The following TBC1D9B variants were observed in gnomAD, a reference collection of about 807,000 sequenced individuals.
TBC1D9B encodes the protein TBC1 domain family, member 9B (with GRAM domain).
In TBC1D9B, 87 loss-of-function variants were observed where a neutral mutation model predicts 121.1. That is an observed-to-expected ratio of 0.72 (90% CI 0.60 to 0.86). The LOEUF is 0.86. Among genes scored for constraint, TBC1D9B ranks in the 40% least tolerant of loss-of-function variants. The probability of loss-of-function intolerance (pLI) is 0.00; values close to 1 mark genes in which losing one functional copy is unlikely to be tolerated. For synonymous variants in TBC1D9B, 668 were observed against 670.1 expected, an observed-to-expected ratio of 1.00 and a Z score of 0.05; for missense variants, 1,540 against 1,628.6, an observed-to-expected ratio of 0.95 and a Z score of 0.94.
chr5:179,899,923 G>A (rs1054256215), intron 2 of TBC1D9B, among the ~76,000 whole-genome samples: 5 of 152,052 alleles, frequency 3.3e-5, no homozygotes, highest in Admixed American at 6.5e-5. Context: ...TAGGCCCAAC[G>A]GAAATTAAAA....
intron 3 of TBC1D9B, among the ~76,000 whole-genome samples, 193 bp downstream of exon 3, chr5:179,898,996 G>A (rs865833143): frequency 9.9e-5 from 15 of 152,202 alleles, no homozygotes; most frequent in African/African-American, 3.4e-4. Context: ...TGCCCACCCA[G>A]GGTAAGAAGG....
rs748053918 is a variant in TBC1D9B, at chr5:179,891,452, A to G, written c.971T>C (p.Phe324Ser). 2.0e-5 allele frequency: 33 copies of G among 1,614,108 alleles called. No individual in the cohort carries two copies. Among genetic ancestry groups the G allele is most frequent in the Non-Finnish European group, 2.8e-5 (33 of 1,180,044 alleles). ...FNKLHIPGQM[F>S]ISNNYICFAS... is the part of the protein sequence containing the mutation. ...GAAGCAGATGTAGTTGTTGGAGATG[A>G]ACATCTGGCCAGGGATGTGCAGCTT... Residue 324 changes from phenylalanine (F) to serine (S), a missense_variant, in exon 6 of 21, where the codon TTC (phenylalanine) becomes TCC (serine). Transcript: ENST00000355235. The surrounding 1 kb of genome is among the most constrained non-coding windows in gnomAD (Gnocchi z 4.3).
intron 7 of TBC1D9B, among the ~76,000 whole-genome samples, chr5:179,884,729 C>G (rs1760629448): frequency 1.3e-5 from 2 of 152,212 alleles, no homozygotes; most frequent in South Asian, 2.1e-4. Flanking sequence ...TGGAGGACAT[C>G]ACGCTGAATG....
At chr5:179,866,215 C>T (rs751840268) in intron 18 of TBC1D9B, 4 of 263,648 alleles carry the variant, frequency 1.5e-5, no homozygotes, top group Admixed American at 5.2e-5. Flanking sequence ...AGTCTGAGGA[C>T]TAACGAATTC....
intron 17 of TBC1D9B, chr5:179,869,488 T>G: frequency 1.6e-6 from 1 of 620,118 alleles, no homozygotes; most frequent in Non-Finnish European, 3.0e-6. Flanking sequence ...GCCCTCCTAG[T>G]GGGTTTTGGG....
At position 179,904,071 on chromosome 5, in the gene TBC1D9B, A is replaced by C. The variant is rs1245656620; in HGVS notation, c.229+631T>G. Among the ~76,000 whole-genome samples, 1 of 152,142 alleles carries C rather than the reference A, an allele frequency of 6.6e-6. No individual in the cohort carries two copies. The highest frequency in any genetic ancestry group is 1.9e-4 in the East Asian group (1 of 5,192). Reference sequence around the variant, plus strand: ...GAGTAGGCCAATTTGCAAATATGGAATCTTTGAATGAGGCCGACTACGTCT... The same window carrying C: ...GAGTAGGCCAATTTGCAAATATGGACTCTTTGAATGAGGCCGACTACGTCT... On this transcript the variant is annotated intron_variant, in intron 2 of 20. Transcript: ENST00000355235. This position sits in a 1 kb window ranked among gnomAD's most constrained non-coding sequence, Gnocchi z 4.2.
At chr5:179,870,625 C>G in intron 15 of TBC1D9B, 130 bp from the exon 16 acceptor site, 1 of 1,341,818 alleles carries the variant, frequency 7.5e-7, no homozygotes, top group Non-Finnish European at 9.9e-7. Context: ...AAGCACGGGC[C>G]AGACACTGCA....
In TBC1D9B at chr5:179,875,077, A is replaced by T; in HGVS notation, c.2011T>A (p.Phe671Ile). 1 of 1,614,084 alleles carries T rather than the reference A, an allele frequency of 6.2e-7. No homozygotes were observed. Among genetic ancestry groups the T allele is most frequent in the South Asian group, 1.1e-5 (1 of 91,084 alleles). ...ATGACGCTGAGGAAGAGGGTCAGGA[A>T]CCAGGACAGCGAGATGCTGGAGATC... ...GVISSISLSW[F>I]LTLFLSVMPF... Residue 671 changes from phenylalanine to isoleucine, a missense_variant, in exon 12 of 21, where the codon TTC (phenylalanine) becomes ATC (isoleucine). Physicochemically the swap from Phe to Ile is conservative, Grantham distance 21. Coordinates refer to ENST00000355235, the MANE Select transcript of TBC1D9B (RefSeq NM_015043.4). The surrounding 1 kb of genome is among the most constrained non-coding windows in gnomAD (Gnocchi z 4.5).
Position 179,867,567 on chromosome 5 carries a change from C to A in TBC1D9B, c.2863+211G>T, listed in dbSNP as rs764112645. 4 of 1,535,110 alleles carry A rather than the reference C, an allele frequency of 2.6e-6. No individual in the cohort carries two copies. The South Asian group carries it at 4.8e-5, about 18-fold the overall frequency. ...GCCAAGGTCCAGGAAGACAGAGACA[C>A]AAGAGAAACAGGAGTGAGGACATCC... is the stretch of plus-strand genomic sequence containing the variant. On this transcript the variant is annotated intron_variant, in intron 18 of 20. Transcript: ENST00000355235.
rs757410409 is a variant in TBC1D9B, at chr5:179,878,316, T to C, written c.1775A>G (p.Tyr592Cys). ...AYAFRNPTIG[Y>C]CQAMNIVTSV... ...CCCTGTCAGGCCCCTTACCTGGCAG[T>C]AGCCGATGGTGGGGTTTCGGAAGGC... The change falls in exon 10 of 21, where the codon TAC becomes TGC. Residue 592 changes from tyrosine to cysteine, a missense_variant. Physicochemically the swap from Tyr to Cys is radical, Grantham distance 194. Transcript: ENST00000355235. 6.2e-7 allele frequency: 1 copy of C among 1,612,046 alleles called. No homozygotes were observed. The highest frequency in any genetic ancestry group is 8.5e-7 in the Non-Finnish European group (1 of 1,179,568).
chr5:179,875,931 G>T lies in TBC1D9B; in HGVS notation c.1889C>A (p.Thr630Asn). 6.2e-7 allele frequency: 1 copy of T among 1,607,118 alleles called. No homozygotes were observed. The highest frequency in any genetic ancestry group is 8.5e-7 in the Non-Finnish European group (1 of 1,177,504). The stretch of plus-strand genomic sequence containing the variant: ...CCGGGGACACTCACCCACCACCCTG[G>T]TGTTGTAGTAGTCGGGCAGCATGCG... Reference protein sequence around the residue: ...CERMLPDYYNTRVVGALVDQG... With the variant: ...CERMLPDYYNNRVVGALVDQG... Residue 630 changes from threonine (T) to asparagine (N), a missense_variant, in exon 11 of 21, where the codon ACC becomes AAC. Transcript: ENST00000355235. This position sits in a 1 kb window ranked among gnomAD's most constrained non-coding sequence, Gnocchi z 4.5.
At chr5:179,872,559 C>A in intron 14 of TBC1D9B, 1 of 340,046 alleles carries the variant, frequency 2.9e-6, no homozygotes, top group East Asian at 6.5e-5. Flanking sequence ...CGGAGGATGG[C>A]GGCATGTTGC....
intron 2 of TBC1D9B, among the ~76,000 whole-genome samples, chr5:179,901,602 T>C (rs269471): frequency 1.6e-4 from 25 of 152,156 alleles, no homozygotes; most frequent in African/African-American, 6.0e-4. Context: ...CTGGGCAACA[T>C]GGCTGTCTCT....
At chr5:179,894,345 T>A in intron 4 of TBC1D9B, 41 bp downstream of exon 4, 2 of 1,544,576 alleles carry the variant, frequency 1.3e-6, no homozygotes, top group Non-Finnish European at 8.8e-7. Context: ...AGGGAGGGGC[T>A]GAGGGTGTGG....
At position 179,870,495 on chromosome 5, in the gene TBC1D9B, C is replaced by T; in HGVS notation, c.2485G>A (p.Ala829Thr). 6.2e-7 allele frequency: 1 copy of T among 1,606,366 alleles called. No individual in the cohort carries two copies. The highest frequency in any genetic ancestry group is 8.5e-7 in the Non-Finnish European group (1 of 1,178,852). ...CAGTACTGGCTAGCCAGGTGCTTGG[C>T]CTGTGGGACACGGTCTGGTGAGACG... ...ELEDLYMVFKAKHLASQYWGC... is the reference protein window; with the variant it reads ...ELEDLYMVFKTKHLASQYWGC... The change falls in exon 16 of 21, where the codon GCC becomes ACC. Residue 829 changes from alanine (A) to threonine (T), a missense_variant and splice_region_variant. Transcript: ENST00000355235.
At chr5:179,884,115 T>G (rs1760611449) in intron 7 of TBC1D9B, among the ~76,000 whole-genome samples, 1 of 152,210 alleles carries the variant, frequency 6.6e-6, no homozygotes, top group African/African-American at 2.4e-5. Flanking sequence ...CTCAGCCGTA[T>G]AATACGTCAG....
intron 3 of TBC1D9B, 121 bp from the exon 4 acceptor site, chr5:179,894,735 G>A (rs1399907029): frequency 1.1e-6 from 1 of 893,958 alleles, no homozygotes; most frequent in Admixed American, 2.6e-5. Context: ...TACAGGCACA[G>A]CTGGGAACAG....
intron 7 of TBC1D9B, among the ~76,000 whole-genome samples, chr5:179,882,877 AC>A (rs972549244): frequency 6.6e-6 from 1 of 152,176 alleles, no homozygotes; most frequent in Non-Finnish European, 1.5e-5. Context: ...TTACTGTATC[AC>A]AAAGTCTGAT....
rs558675344 is a variant in TBC1D9B at position 179,865,110 on chromosome 5, G to A, written c.3021+144C>T. On this transcript the variant is annotated intron_variant, in intron 20 of 20. Transcript: ENST00000355235. This position sits in a 1 kb window ranked among gnomAD's most constrained non-coding sequence, Gnocchi z 5.1. ...GTCTTTCTGGAATCATCGCTGACTGGCAACCAGGACTAACGGGCTCTAGAG... is the reference window on the plus strand; with the variant it reads ...GTCTTTCTGGAATCATCGCTGACTGACAACCAGGACTAACGGGCTCTAGAG... The A allele has an allele frequency of 2.8e-6, 2 of 715,400 alleles. No individual in the cohort carries two copies. Among genetic ancestry groups the A allele is most frequent in the East Asian group, 2.6e-5 (1 of 38,912 alleles). 44.3% of individuals were successfully genotyped at this position (715,400 alleles called of 1,614,324 possible). A position where few individuals can be genotyped will look rare whatever the true frequency, so the allele number is the denominator to read the frequency against.
Sources: allele counts gnomAD v4.1 joint callset (sites outside exome capture counted in the v4.1 genomes callset), GRCh38; gene constraint gnomAD v4.1.1; non-coding constraint Gnocchi (gnomAD v3.1); transcripts MANE v1.5; gene names NCBI Gene and HGNC (gene_info 2026-07-23, HGNC 2026-07-21).